MAGI2: variants seen among roughly 807,000 people sequenced by gnomAD.
MAGI2 encodes membrane-associated guanylate kinase, WW and PDZ domain-containing protein 2.
Under a neutral mutation model 133.3 loss-of-function variants are expected in MAGI2, and 35 were observed. The observed-to-expected ratio is 0.26, with a 90% CI of 0.20 to 0.35. The LOEUF (loss-of-function observed/expected upper bound fraction) is 0.35. MAGI2 is among the 10% of genes least tolerant of loss of function. The pLI is 1.00. For synonymous variants in MAGI2, 729 were observed against 710.6 expected, an observed-to-expected ratio of 1.03 and a Z score of -0.41; for missense variants, 1,636 against 1,863.4, an observed-to-expected ratio of 0.88 and a Z score of 2.25.
At chr7:78,594,843 A>G (rs1461264325) in intron 3 of MAGI2, among the ~76,000 whole-genome samples, 2 of 152,186 alleles carry the variant, frequency 1.3e-5, no homozygotes, top group African/African-American at 4.8e-5. Context: ...ATAATTTAGT[A>G]GGAAACAAGG....
At chr7:79,123,762 G>A (rs112503764) in intron 1 of MAGI2, among the ~76,000 whole-genome samples, 1 of 135,560 alleles carries the variant, frequency 7.4e-6, no homozygotes, top group Non-Finnish European at 1.5e-5. Flanking sequence ...TTCCAGCCTG[G>A]GCGACAGAGT....
chr7:79,270,815 A>G (rs1834819457), intron 1 of MAGI2, among the ~76,000 whole-genome samples: 1 of 152,100 alleles, frequency 6.6e-6, no homozygotes, highest in Non-Finnish European at 1.5e-5. Context: ...ATTCTATAAT[A>G]TTCTACCCTG....
At chr7:79,307,189 C>T (rs982721130) in intron 1 of MAGI2, among the ~76,000 whole-genome samples, 3 of 152,232 alleles carry the variant, frequency 2.0e-5, no homozygotes, top group Non-Finnish European at 4.4e-5. Flanking sequence ...TGTGGTACCA[C>T]GCAGTGCCTT....
intron 10 of MAGI2, among the ~76,000 whole-genome samples, chr7:78,216,978 T>G (rs144472319): frequency 6.6e-6 from 1 of 152,312 alleles, no homozygotes; most frequent in African/African-American, 2.4e-5. Context: ...ATTCCTTGGC[T>G]TTTCAGATCT....
intron 2 of MAGI2, among the ~76,000 whole-genome samples, chr7:78,905,279 G>A (rs1167120118): frequency 3.3e-5 from 5 of 152,182 alleles, no homozygotes; most frequent in Admixed American, 1.3e-4. Flanking sequence ...TGCCGTGCAA[G>A]CCAAAACATT....
chr7:79,248,273 G>T (rs879597046), intron 1 of MAGI2, among the ~76,000 whole-genome samples: 4 of 152,032 alleles, frequency 2.6e-5, no homozygotes, highest in South Asian at 2.1e-4. Context: ...GACAAGGAAG[G>T]TCATTATATA....
In MAGI2 at chr7:78,321,238, T is replaced by C. The variant is rs182757355; in HGVS notation, c.1408+22540A>G. On this transcript the variant is annotated intron_variant, in intron 9 of 21. Coordinates refer to ENST00000354212, the MANE Select transcript of MAGI2 (RefSeq NM_012301.4). ...CAATGCCATCCCCATCAAGCTACCA[T>C]TGACTTTCTTCACAGAATTGGAAAA... is the stretch of plus-strand genomic sequence containing the variant. Among the ~76,000 whole-genome samples the C allele has an allele frequency of 2.0e-5, 3 of 152,206 alleles. No homozygotes were observed. In the East Asian group the frequency reaches 5.8e-4, roughly 29 times the overall value.
intron 20 of MAGI2, among the ~76,000 whole-genome samples, chr7:78,102,677 A>G (rs747537631): frequency 5.9e-5 from 9 of 152,226 alleles, no homozygotes; most frequent in Non-Finnish European, 1.2e-4. Context: ...TAGGCTCACC[A>G]AAAGGGCTAC....
At chr7:78,469,998 T>C (rs1350171816) in intron 6 of MAGI2, among the ~76,000 whole-genome samples, 1 of 152,170 alleles carries the variant, frequency 6.6e-6, no homozygotes, top group Non-Finnish European at 1.5e-5. Context: ...CTAAATGCCG[T>C]AGACACATGC....
chr7:79,061,321 T>C (rs1813706687), intron 1 of MAGI2, among the ~76,000 whole-genome samples: 1 of 151,814 alleles, frequency 6.6e-6, no homozygotes, highest in Non-Finnish European at 1.5e-5. Context: ...TTTTTTTTTC[T>C]CGGGCCTTTC....
At chr7:78,124,082 C>T (rs890512265) in intron 20 of MAGI2, among the ~76,000 whole-genome samples, 5 of 152,222 alleles carry the variant, frequency 3.3e-5, no homozygotes, top group African/African-American at 7.2e-5. Context: ...TTGTAACCGA[C>T]AGAGACCAGC....
At chr7:78,405,562 C>T (rs916551122) in intron 6 of MAGI2, among the ~76,000 whole-genome samples, 13 of 151,960 alleles carry the variant, frequency 8.6e-5, no homozygotes, top group East Asian at 1.9e-4. Context: ...AGAGCAGTTA[C>T]GAAATACTAG....
chr7:79,082,808 C>G (rs1816159370), intron 1 of MAGI2, among the ~76,000 whole-genome samples: 8 of 151,704 alleles, frequency 5.3e-5, no homozygotes, highest in Admixed American at 3.9e-4. Context: ...GGGGGTATTG[C>G]CTCTTAACAA....
At chr7:78,512,777 T>A (rs1025416091) in intron 4 of MAGI2, among the ~76,000 whole-genome samples, 4 of 152,220 alleles carry the variant, frequency 2.6e-5, no homozygotes, top group African/African-American at 9.6e-5. Context: ...TTTTCTTCTA[T>A]ATCTAAAACC....
intron 1 of MAGI2, among the ~76,000 whole-genome samples, chr7:79,255,960 A>G (rs1156338666): frequency 2.0e-5 from 3 of 152,234 alleles, no homozygotes; most frequent in Non-Finnish European, 4.4e-5. Flanking sequence ...CAAAGCTAAA[A>G]GATCTGAAAC....
At chr7:79,381,065 A>G (rs946270707) in intron 1 of MAGI2, among the ~76,000 whole-genome samples, 3 of 151,754 alleles carry the variant, frequency 2.0e-5, no homozygotes, top group African/African-American at 2.4e-5. Flanking sequence ...TCTTTCCATG[A>G]ATCTCAAATC....
chr7:78,706,538 AT>A (rs1818667318), intron 2 of MAGI2, among the ~76,000 whole-genome samples: 1 of 152,188 alleles, frequency 6.6e-6, no homozygotes, highest in Non-Finnish European at 1.5e-5. Context: ...TTAAATTTTT[AT>A]AAATACACAC....
rs1385517709 is a variant in MAGI2 at position 78,497,766 on chromosome 7, T to TCTATCTATCTATCTA, written c.965+3810_965+3811insTAGATAGATAGATAG. 3.6e-3 allele frequency among the ~76,000 whole-genome samples: 485 copies of TCTATCTATCTATCTA among 135,420 alleles called. 5 individuals carry two copies. Among genetic ancestry groups the TCTATCTATCTATCTA allele is most frequent in the African/African-American group, 0.012 (439 of 37,532 alleles). 88.8% of individuals were successfully genotyped at this position (135,420 alleles called of 152,430 possible). On this transcript the variant is annotated intron_variant, in intron 5 of 21. Transcript: ENST00000354212. ...TATCTATCTATCTATCTATCTATCT[T>TCTATCTATCTATCTA]TCTATCTTATACACAGAACCAAAGA...
At chr7:78,438,809 G>T (rs770163287) in intron 6 of MAGI2, among the ~76,000 whole-genome samples, 1 of 152,098 alleles carries the variant, frequency 6.6e-6, no homozygotes, top group Non-Finnish European at 1.5e-5. Flanking sequence ...TTTCATGGGC[G>T]CACAATACAT....
Sources: allele counts gnomAD v4.1 joint callset (sites outside exome capture counted in the v4.1 genomes callset), GRCh38; gene constraint gnomAD v4.1.1; transcripts MANE v1.5; gene names NCBI Gene and HGNC (gene_info 2026-07-23, HGNC 2026-07-21).